LARP4: variants seen among roughly 807,000 people sequenced by gnomAD.
The protein encoded by LARP4 is La ribonucleoprotein 4.
In LARP4, 29 loss-of-function variants were observed where a neutral mutation model predicts 92.9. The ratio of observed to expected loss-of-function variants is 0.31; its 90% CI spans 0.23 to 0.43. The LOEUF (loss-of-function observed/expected upper bound fraction) is 0.43. Ranked by LOEUF, LARP4 falls within the 20% of genes least tolerant of loss-of-function variation. The pLI is 1.00. For missense variants in LARP4, 732 were observed against 860.0 expected (o/e 0.85, Z 1.86); for synonymous variants, 279 against 284.1 (o/e 0.98, Z 0.18).
rs762110345 is a variant in LARP4, at chr12:50,453,599, A to C, written c.944A>C (p.Gln315Pro). The change falls in exon 9 of 16, where the codon CAA becomes CCA. Residue 315 changes from glutamine to proline, a missense_variant. Coordinates refer to ENST00000398473, the MANE Select transcript of LARP4 (RefSeq NM_052879.5). ...VFMQPVYNPH[Q>P]QYSVYSIVPQ... ...ATGCAGCCTGTATATAATCCTCACC[A>C]ACAGTACTCGGTCTATAGTATTGTG... 3.1e-6 allele frequency: 5 copies of C among 1,613,592 alleles called. No homozygotes were observed. Among genetic ancestry groups the C allele is most frequent in the Non-Finnish European group, 4.2e-6 (5 of 1,179,744 alleles).
At chr12:50,417,014 T>A (rs1486534110) in intron 1 of LARP4, among the ~76,000 whole-genome samples, 1 of 152,072 alleles carries the variant, frequency 6.6e-6, no homozygotes. Flanking sequence ...TGGATTTGAA[T>A]AGTGATTGAT....
At chr12:50,412,030 A>G (rs1314448262) in intron 1 of LARP4, among the ~76,000 whole-genome samples, 1 of 152,080 alleles carries the variant, frequency 6.6e-6, no homozygotes, top group Non-Finnish European at 1.5e-5. Flanking sequence ...ATAGCTATGT[A>G]ACTTTGGGCA....
chr12:50,440,392 T>G, intron 6 of LARP4, 47 bp from the exon 7 acceptor site: 1 of 1,345,724 alleles, frequency 7.4e-7, no homozygotes, highest in Non-Finnish European at 1.1e-6. Flanking sequence ...AAAATGCCAA[T>G]TATTGATGTA....
chr12:50,439,110 G>A (rs1305864572), intron 6 of LARP4, among the ~76,000 whole-genome samples: 2 of 151,840 alleles, frequency 1.3e-5, no homozygotes, highest in African/African-American at 2.4e-5. Flanking sequence ...GCTAATTTTT[G>A]TACTTTTTTG....
chr12:50,415,586 C>A (rs191926866), intron 1 of LARP4: 1 of 152,030 alleles, frequency 6.6e-6, no homozygotes, highest in Non-Finnish European at 1.5e-5. Flanking sequence ...ATGTCCGAAG[C>A]CTTCCAATTT....
At position 50,428,957 on chromosome 12, in the gene LARP4, T is replaced by C. The variant is rs770290859; in HGVS notation, c.189T>C (p.Asp63=). 9.9e-5 allele frequency: 159 copies of C among 1,598,974 alleles called. No individual in the cohort carries two copies. The highest frequency in any genetic ancestry group is 1.3e-4 in the Non-Finnish European group (153 of 1,171,302). ...HPEGNAELSE[D]ICKEYEVMYS... is the part of the protein sequence containing the mutation. Reference sequence around the variant, plus strand: ...CAGGTAATGCAGAGCTCTCAGAAGATATATGTAAAGAATATGAAGTAATGT... The same window carrying C: ...CAGGTAATGCAGAGCTCTCAGAAGACATATGTAAAGAATATGAAGTAATGT... Residue 63 remains aspartate, a synonymous_variant, in exon 3 of 16, where the codon GAT becomes GAC. Transcript: ENST00000398473.
chr12:50,400,908 G>T lies in LARP4; in HGVS notation c.-103G>T. The T allele has an allele frequency of 6.6e-7, 1 of 1,524,618 alleles. No homozygotes were observed. The highest frequency in any genetic ancestry group is 9.1e-7 in the Non-Finnish European group (1 of 1,098,470). The allele number at this position is 1,524,618 out of a possible 1,614,324, so 94.4% of individuals were successfully genotyped here. On this transcript the variant is annotated 5_prime_UTR_variant, in exon 1 of 16. The change creates a new upstream start codon in the 5' untranslated region. Coordinates refer to ENST00000398473, the MANE Select transcript of LARP4 (RefSeq NM_052879.5). ...GGAGCCGGGTCCACTGCCGGGTGGAGGGGCAAGGCGAGTGTGTGTCCTTAT... is the reference window on the plus strand; with the variant it reads ...GGAGCCGGGTCCACTGCCGGGTGGATGGGCAAGGCGAGTGTGTGTCCTTAT...
In LARP4 at chr12:50,473,396, A is replaced by G. The variant is rs967921881; in HGVS notation, c.1546-19A>G. ...GAAAAAGGTCTAAGTGTAATTTTGA[A>G]AAATCTTTTTACTTTAAGGATAATG... On this transcript the variant is annotated intron_variant, in intron 13 of 15. Coordinates refer to ENST00000398473, the MANE Select transcript of LARP4 (RefSeq NM_052879.5). 6.2e-7 allele frequency: 1 copy of G among 1,606,024 alleles called. No individual in the cohort carries two copies.
intron 1 of LARP4, among the ~76,000 whole-genome samples, chr12:50,423,168 C>CT (rs1948126273): frequency 6.6e-6 from 1 of 151,954 alleles, no homozygotes. Flanking sequence ...ATAAATAGTA[C>CT]TTTATTTTCC....
intron 8 of LARP4, among the ~76,000 whole-genome samples, chr12:50,450,479 G>A (rs958579980): frequency 6.6e-6 from 1 of 152,084 alleles, no homozygotes; most frequent in African/African-American, 2.4e-5. Flanking sequence ...AAAAATGTAG[G>A]TTTGTACTGA....
chr12:50,461,830 C>T (rs1048966134), intron 11 of LARP4, among the ~76,000 whole-genome samples: 2 of 151,940 alleles, frequency 1.3e-5, no homozygotes, highest in Admixed American at 6.6e-5. Context: ...TGGTGGCAGG[C>T]GCCTGTAATC....
chr12:50,413,775 G>A (rs1380828231), intron 1 of LARP4, among the ~76,000 whole-genome samples: 1 of 152,138 alleles, frequency 6.6e-6, no homozygotes, highest in Non-Finnish European at 1.5e-5. Flanking sequence ...TCTCCTTGTA[G>A]TATCACCTTG....
At chr12:50,417,770 C>T (rs145641838) in intron 1 of LARP4, among the ~76,000 whole-genome samples, 1 of 152,304 alleles carries the variant, frequency 6.6e-6, no homozygotes, top group Non-Finnish European at 1.5e-5. Context: ...TCTTGGGTCA[C>T]TGTAGCCTCT....
intron 3 of LARP4, 93 bp from the exon 4 acceptor site, chr12:50,430,402 T>A: frequency 1.5e-6 from 1 of 658,510 alleles, no homozygotes; most frequent in Non-Finnish European, 2.7e-6. Context: ...TGATTGTAGA[T>A]ACTTTGTGGC....
chr12:50,454,634 T>C (rs1355869914), intron 10 of LARP4: 1 of 377,550 alleles, frequency 2.6e-6, no homozygotes, highest in East Asian at 3.9e-5. Context: ...GGGATTCAGA[T>C]TTTTTTTAAT....
intron 1 of LARP4, among the ~76,000 whole-genome samples, chr12:50,407,185 C>T (rs940862378): frequency 6.6e-6 from 1 of 152,088 alleles, no homozygotes; most frequent in African/African-American, 2.4e-5. Context: ...ACCACCACGC[C>T]TAGCTATTTT....
chr12:50,456,001 G>A (rs573452203), intron 10 of LARP4, among the ~76,000 whole-genome samples: 6 of 152,008 alleles, frequency 3.9e-5, no homozygotes, highest in Non-Finnish European at 7.4e-5. Flanking sequence ...GCAGTGAGCC[G>A]AGATCATACC....
rs1457277851 is a variant in LARP4 at position 50,477,237 on chromosome 12, A to G, written c.*1373A>G. ...CAGTGAATAAAGTTGTAGCTCTCAT[A>G]TACTAAATAGACAAGTTTACATGCT... On this transcript the variant is annotated 3_prime_UTR_variant, in exon 16 of 16. Transcript: ENST00000398473. 6.6e-6 allele frequency: 1 copy of G among 152,430 alleles called. No homozygotes were observed. Among genetic ancestry groups the G allele is most frequent in the Non-Finnish European group, 1.5e-5 (1 of 68,020 alleles). The allele number at this position is 152,430 out of a possible 1,614,324, so 9.4% of individuals were successfully genotyped here.
At chr12:50,461,595 T>C (rs1955393227) in intron 11 of LARP4, 3 of 397,800 alleles carry the variant, frequency 7.5e-6, no homozygotes, top group Non-Finnish European at 1.4e-5. Flanking sequence ...ATAGCTCATA[T>C]AAGAAAGAAT....
Sources: gnomAD v4.1 joint callset for allele counts (sites outside exome capture counted in the v4.1 genomes callset) on GRCh38, gnomAD v4.1.1 for gene constraint, MANE v1.5 for transcripts, NCBI Gene and HGNC (gene_info 2026-07-23, HGNC 2026-07-21) for gene names.